Variants in IGSF23 observed in about 807,000 individuals in gnomAD.
IGSF23 encodes the protein immunoglobulin superfamily member 23, also known as immunoglobulin superfamily, member 23.
Under a neutral mutation model 17.8 loss-of-function variants are expected in IGSF23, and 14 were observed. The ratio of observed to expected loss-of-function variants is 0.79; its 90% confidence interval spans 0.52 to 1.23. The LOEUF (loss-of-function observed/expected upper bound fraction) is 1.23, where lower values mean the gene tolerates loss of function less well. Among genes scored for constraint, IGSF23 ranks in the 50% most tolerant of loss-of-function variants. The probability of loss-of-function intolerance (pLI) is 0.00; values close to 1 mark genes in which losing one functional copy is unlikely to be tolerated. For missense variants in IGSF23, 214 were observed against 241.7 expected (o/e 0.89, Z 0.76); for synonymous variants, 85 against 92.5 (o/e 0.92, Z 0.46).
intron 1 of IGSF23, among the ~76,000 whole-genome samples, chr19:44,620,060 G>C (rs768632427): frequency 1.9e-4 from 29 of 152,090 alleles, no homozygotes; most frequent in Non-Finnish European, 3.7e-4. Context: ...CACGAGTTCA[G>C]GAGTTCAAGA....
rs1023511977 is a variant in IGSF23, at chr19:44,636,769, T to G, written c.*382T>G. 2 of 152,134 alleles carry G rather than the reference T, an allele frequency of 1.3e-5. No individual in the cohort carries two copies. Among genetic ancestry groups the G allele is most frequent in the African/African-American group, 2.4e-5 (1 of 41,412 alleles). 9.4% of individuals were successfully genotyped at this position (152,134 alleles called of 1,614,324 possible). The stretch of plus-strand genomic sequence containing the variant: ...TTTCAAAAAGAACCAAAAAATAAAT[T>G]AAAACACCACCACTTCTGAATGGTT... On this transcript the variant is annotated 3_prime_UTR_variant, in exon 5 of 5. Transcript: ENST00000402988.
chr19:44,628,487 C>T (rs545184758), intron 3 of IGSF23, among the ~76,000 whole-genome samples: 45 of 152,228 alleles, frequency 3.0e-4, no homozygotes, highest in African/African-American at 1.0e-3. Flanking sequence ...GTGGCTCACA[C>T]CTGTAATCCC....
chr19:44,627,411 G>T lies in IGSF23; in HGVS notation c.392-9G>T. On this transcript the variant is annotated splice_polypyrimidine_tract_variant and intron_variant, in intron 2 of 4. Coordinates refer to ENST00000402988, the MANE Select transcript of IGSF23 (RefSeq NM_001205280.2). ...GGCTCCTCCAATCTCACCCCTCCTT[G>T]GTCCCCAGAACCCATCATGCAGCCC... 3.3e-6 allele frequency: 5 copies of T among 1,500,014 alleles called. No homozygotes were observed. Among genetic ancestry groups the T allele is most frequent in the Non-Finnish European group, 3.6e-6 (4 of 1,113,472 alleles). The allele number at this position is 1,500,014 out of a possible 1,614,324, so 92.9% of individuals were successfully genotyped here.
chr19:44,635,409 G>A lies in IGSF23; in HGVS notation c.554G>A (p.Arg185Lys). The change falls in exon 4 of 5, where the codon AGG (arginine) becomes AAG (lysine). Residue 185 changes from arginine to lysine, a missense_variant. Coordinates refer to ENST00000402988, the MANE Select transcript of IGSF23 (RefSeq NM_001205280.2). ...FIIIQSLRTD[R>K]QRIGICS Reference sequence around the variant, plus strand: ...CTCTCTCTCCACTGCAGGACTGACAGGCAGAGAATAGGAATATGCAGCTGA... The same window carrying A: ...CTCTCTCTCCACTGCAGGACTGACAAGCAGAGAATAGGAATATGCAGCTGA... The A allele has an allele frequency of 6.5e-7, 1 of 1,547,262 alleles. No individual in the cohort carries two copies. Among genetic ancestry groups the A allele is most frequent in the Non-Finnish European group, 8.7e-7 (1 of 1,145,186 alleles).
chr19:44,624,545 A>G (rs911830950), intron 2 of IGSF23, among the ~76,000 whole-genome samples: 4 of 151,716 alleles, frequency 2.6e-5, no homozygotes, highest in African/African-American at 9.7e-5. Context: ...TTGGCCTCCC[A>G]AACTACTGGG....
At chr19:44,626,626 A>T (rs1972653492) in intron 2 of IGSF23, among the ~76,000 whole-genome samples, 1 of 152,162 alleles carries the variant, frequency 6.6e-6, no homozygotes, top group Non-Finnish European at 1.5e-5. Context: ...GGCCAGGTAC[A>T]GTGGCTCATT....
intron 3 of IGSF23, chr19:44,632,632 A>T (rs1972793887): frequency 6.5e-6 from 1 of 153,320 alleles, no homozygotes; most frequent in Non-Finnish European, 1.5e-5. Flanking sequence ...GGAGAAACAC[A>T]AGCATAACCA....
At chr19:44,624,899 C>CAAA (rs71171273) in intron 2 of IGSF23, among the ~76,000 whole-genome samples, 32 of 87,740 alleles carry the variant, frequency 3.6e-4, no homozygotes, top group Non-Finnish European at 5.5e-4. Flanking sequence ...CTGTCTCTAC[C>CAAA]AAAAAAAAAA....
chr19:44,630,990 C>G (rs1289447493), intron 3 of IGSF23, among the ~76,000 whole-genome samples: 1 of 151,488 alleles, frequency 6.6e-6, no homozygotes, highest in Admixed American at 6.6e-5. Context: ...GTGTGGTGCT[C>G]ACAATTGTAA....
Position 44,618,333 on chromosome 19 carries a change from C to T in IGSF23, c.125+4563C>T, listed in dbSNP as rs907563716. The T allele has an allele frequency of 1.1e-4, 43 of 378,562 alleles. 1 individual carries two copies. Among genetic ancestry groups the T allele is most frequent in the African/African-American group, 7.4e-4 (35 of 47,550 alleles). The allele number at this position is 378,562 out of a possible 1,614,324, so 23.5% of individuals were successfully genotyped here. A position where few individuals can be genotyped will look rare whatever the true frequency, so the allele number is the denominator to read the frequency against. On this transcript the variant is annotated intron_variant, in intron 1 of 4. Transcript: ENST00000402988. ...AGGCAGCCTGGTCATTAGAAAATGA[C>T]GGCTCAGGACTCGGGCAGCTACACC...
rs765921601 is a variant in IGSF23 at position 44,627,436 on chromosome 19, C to T, written c.408C>T (p.Pro136=). Residue 136 remains proline (P), a synonymous_variant, in exon 3 of 5, where the codon CCC becomes CCT. Coordinates refer to ENST00000402988, the MANE Select transcript of IGSF23 (RefSeq NM_001205280.2). The stretch of plus-strand genomic sequence containing the variant: ...GGTCCCCAGAACCCATCATGCAGCC[C>T]ACAGAAGCAGAGCCCATGGAGCCAG... ...TISLPKPIMQ[P]TEAEPMEPDP... The T allele has an allele frequency of 1.6e-5, 24 of 1,544,918 alleles. No homozygotes were observed. The highest frequency in any genetic ancestry group is 8.7e-7 in the Non-Finnish European group (1 of 1,143,044).
intron 3 of IGSF23, among the ~76,000 whole-genome samples, chr19:44,635,007 C>CGG (rs577881455): frequency 6.6e-6 from 1 of 151,802 alleles, no homozygotes; most frequent in Non-Finnish European, 1.5e-5. Context: ...TGCTACAGAC[C>CGG]GGGGGGGCTT....
chr19:44,631,984 G>C (rs1307278167), intron 3 of IGSF23, among the ~76,000 whole-genome samples: 1 of 152,182 alleles, frequency 6.6e-6, no homozygotes, highest in Non-Finnish European at 1.5e-5. Flanking sequence ...GGTTTTGCGG[G>C]GGGGCCTGTT....
intron 2 of IGSF23, among the ~76,000 whole-genome samples, chr19:44,625,021 C>T (rs556857987): frequency 4.6e-5 from 7 of 151,834 alleles, no homozygotes; most frequent in African/African-American, 1.4e-4. Flanking sequence ...GAGCTGTAAT[C>T]GCACCACTGC....
At chr19:44,622,880 T>C (rs1020568518) in intron 1 of IGSF23, among the ~76,000 whole-genome samples, 1 of 152,206 alleles carries the variant, frequency 6.6e-6, no homozygotes, top group Non-Finnish European at 1.5e-5. Flanking sequence ...CTTATTCCTC[T>C]GCTTCTTCAG....
rs537515099 is a variant in IGSF23, at chr19:44,617,854, C to T, written c.125+4084C>T. Reference sequence around the variant, plus strand: ...CCTTCAAGCTTACTCCCCCGCTGCCCTCTCCTCTTCTGCCAACGTGCCCAC... The same window carrying T: ...CCTTCAAGCTTACTCCCCCGCTGCCTTCTCCTCTTCTGCCAACGTGCCCAC... On this transcript the variant is annotated intron_variant, in intron 1 of 4. Coordinates refer to ENST00000402988, the MANE Select transcript of IGSF23 (RefSeq NM_001205280.2). 9.6e-4 allele frequency among the ~76,000 whole-genome samples: 146 copies of T among 152,296 alleles called. 3 individuals are homozygous for T. In the South Asian group the frequency reaches 0.029, roughly 31 times the overall value.
At chr19:44,621,008 G>A (rs1224379283) in intron 1 of IGSF23, among the ~76,000 whole-genome samples, 1 of 152,172 alleles carries the variant, frequency 6.6e-6, no homozygotes, top group East Asian at 1.9e-4. Context: ...CTGGCCAGGT[G>A]CTATGGCTCA....
intron 4 of IGSF23, among the ~76,000 whole-genome samples, chr19:44,635,669 C>T (rs1412323173): frequency 2.0e-5 from 3 of 152,176 alleles, no homozygotes; most frequent in Non-Finnish European, 4.4e-5. Context: ...TCATCAAATT[C>T]CTGGAAGCTG....
intron 1 of IGSF23, among the ~76,000 whole-genome samples, chr19:44,618,358 C>T (rs1010492536): frequency 1.3e-5 from 2 of 152,132 alleles, no homozygotes; most frequent in East Asian, 1.9e-4. Flanking sequence ...GCAGCTACAC[C>T]GTCGTGCTGG....
Sources: gnomAD v4.1 joint callset for allele counts (sites outside exome capture counted in the v4.1 genomes callset) on GRCh38, gnomAD v4.1.1 for gene constraint, MANE v1.5 for transcripts, NCBI Gene and HGNC (gene_info 2026-07-23, HGNC 2026-07-21) for gene names.